Variants in CSRNP3 observed in about 807,000 individuals in gnomAD.
CSRNP3 encodes the protein cysteine/serine-rich nuclear protein 3.
CSRNP3 carries 12 observed loss-of-function variants against 48.0 expected under a neutral mutation model. The observed-to-expected ratio is 0.25, with a 90% CI of 0.16 to 0.41. CSRNP3 has a LOEUF of 0.41. CSRNP3 is among the 10% of genes least tolerant of loss of function. The probability of loss-of-function intolerance (pLI) is 1.00; values close to 1 mark genes in which losing one functional copy is unlikely to be tolerated. For synonymous variants in CSRNP3, 263 were observed against 269.7 expected, an observed-to-expected ratio of 0.98 and a Z score of 0.24; for missense variants, 580 against 724.4, an observed-to-expected ratio of 0.80 and a Z score of 2.29.
chr2:165,630,198 A>G (rs1287926997), intron 4 of CSRNP3, among the ~76,000 whole-genome samples: 3 of 152,190 alleles, frequency 2.0e-5, no homozygotes, highest in African/African-American at 7.2e-5. Flanking sequence ...TCTGCCTGAA[A>G]AAATAAATTC....
intron 3 of CSRNP3, among the ~76,000 whole-genome samples, chr2:165,519,170 A>G (rs2105233205): frequency 6.7e-6 from 1 of 148,836 alleles, no homozygotes; most frequent in East Asian, 2.3e-4. Context: ...AAGAAATATG[A>G]GATTCTAGGA....
chr2:165,614,135 T>C (rs1192786244), intron 4 of CSRNP3, among the ~76,000 whole-genome samples: 1 of 152,170 alleles, frequency 6.6e-6, no homozygotes, highest in Non-Finnish European at 1.5e-5. Flanking sequence ...TTTGTAATGT[T>C]CATTGTAAGA....
chr2:165,613,495 C>T (rs534303733), intron 4 of CSRNP3, among the ~76,000 whole-genome samples: 7 of 152,158 alleles, frequency 4.6e-5, no homozygotes, highest in Non-Finnish European at 8.8e-5. Context: ...TGAAGAATTT[C>T]CCCTGTGTTT....
At chr2:165,563,763 C>T (rs1266251748) in intron 3 of CSRNP3, among the ~76,000 whole-genome samples, 1 of 152,102 alleles carries the variant, frequency 6.6e-6, no homozygotes, top group African/African-American at 2.4e-5. Context: ...CAATTAGACA[C>T]ATGTGCCACA....
chr2:165,516,366 G>T (rs981180292), intron 2 of CSRNP3, among the ~76,000 whole-genome samples: 2 of 152,018 alleles, frequency 1.3e-5, no homozygotes, highest in Non-Finnish European at 2.9e-5. Flanking sequence ...AGAATTTTAA[G>T]ATATTTAAAA....
chr2:165,550,296 A>C (rs1692722109), intron 3 of CSRNP3, among the ~76,000 whole-genome samples: 2 of 152,232 alleles, frequency 1.3e-5, no homozygotes, highest in Admixed American at 1.3e-4. Context: ...TATTATTATA[A>C]ATAAGACTCT....
chr2:165,643,618 G>A (rs34983850), intron 4 of CSRNP3, among the ~76,000 whole-genome samples: 23,135 of 152,086 alleles, frequency 0.15, 3,096 homozygotes, highest in African/African-American at 0.36. Context: ...GGATAACTTT[G>A]AATCAGTCCC....
chr2:165,546,011 A>G (rs1685020359), intron 3 of CSRNP3, among the ~76,000 whole-genome samples: 1 of 152,134 alleles, frequency 6.6e-6, no homozygotes, highest in African/African-American at 2.4e-5. Context: ...CATAAAGTTA[A>G]TTATGTGTTA....
In CSRNP3 at chr2:165,552,493, TGA is replaced by T. The variant is rs1466784976; in HGVS notation, c.-24+34534_-24+34535del. On this transcript the variant is annotated intron_variant, in intron 3 of 6. Transcript: ENST00000651982. Reference sequence around the variant, plus strand: ...TAGGATAATAAAAGTTAAAATTTATTGAGTTCACCATGAACCAGGTATCTGAT... The same window carrying T: ...TAGGATAATAAAAGTTAAAATTTATTGTTCACCATGAACCAGGTATCTGAT... Among the ~76,000 whole-genome samples, 5 of 152,266 alleles carry T rather than the reference TGA, an allele frequency of 3.3e-5. No homozygotes were observed. In the East Asian group the frequency reaches 9.7e-4, roughly 29 times the overall value.
At chr2:165,483,161 G>GATTT (rs1684070685) in intron 1 of CSRNP3, among the ~76,000 whole-genome samples, 1 of 151,864 alleles carries the variant, frequency 6.6e-6, no homozygotes, top group African/African-American at 2.4e-5. Context: ...AGGGCATTCA[G>GATTT]GTGCCCTTTT....
intron 3 of CSRNP3, among the ~76,000 whole-genome samples, chr2:165,526,489 C>A (rs183370688): frequency 1.2e-4 from 19 of 152,154 alleles, no homozygotes; most frequent in African/African-American, 4.8e-5. Flanking sequence ...GTTCTGATGA[C>A]CTCTAAACTT....
At position 165,574,295 on chromosome 2, in the gene CSRNP3, G is replaced by A. The variant is rs568054425; in HGVS notation, c.-23-20748G>A. The A allele has an allele frequency of 1.2e-5, 15 of 1,302,502 alleles. No individual in the cohort carries two copies. In the South Asian group the frequency reaches 2.0e-4, roughly 17 times the overall value. The allele number at this position is 1,302,502 out of a possible 1,614,324, so 80.7% of individuals were successfully genotyped here. ...TCAAAGGTCACAGGGCTGGTGGAAAGCTGGATCAGTTGCCTGAAAAAAATG... is the reference window on the plus strand; with the variant it reads ...TCAAAGGTCACAGGGCTGGTGGAAAACTGGATCAGTTGCCTGAAAAAAATG... On this transcript the variant is annotated intron_variant, in intron 3 of 6. Coordinates refer to ENST00000651982, the MANE Select transcript of CSRNP3 (RefSeq NM_001172173.2).
intron 4 of CSRNP3, among the ~76,000 whole-genome samples, chr2:165,615,888 GTTTT>G (rs957235965): frequency 2.4e-4 from 14 of 59,310 alleles, no homozygotes; most frequent in Admixed American, 7.4e-4. Flanking sequence ...TGTTTGTGGG[GTTTT>G]TTTTTTTTTT....
intron 5 of CSRNP3, among the ~76,000 whole-genome samples, chr2:165,666,066 GAAA>G (rs1558967306): frequency 8.7e-5 from 5 of 57,450 alleles, no homozygotes; most frequent in Admixed American, 2.1e-4. Flanking sequence ...GAGGAAGAAA[GAAA>G]GAGAGAGAGA....
At chr2:165,635,453 C>T (rs1004739949) in intron 4 of CSRNP3, among the ~76,000 whole-genome samples, 3 of 152,162 alleles carry the variant, frequency 2.0e-5, no homozygotes, top group Admixed American at 2.0e-4. Flanking sequence ...CCCAGAGGTA[C>T]ATTTGAGACT....
At chr2:165,489,113 A>T (rs888966950) in intron 1 of CSRNP3, among the ~76,000 whole-genome samples, 19 of 150,072 alleles carry the variant, frequency 1.3e-4, no homozygotes, top group Admixed American at 9.3e-4. Context: ...GATAAAGGGG[A>T]TATCACCACT....
In CSRNP3 at chr2:165,521,173, C is replaced by CA. The variant is rs1348766008; in HGVS notation, c.-24+3223dup. Among the ~76,000 whole-genome samples, 614 of 135,600 alleles carry CA rather than the reference C, an allele frequency of 4.5e-3. 7 individuals carry two copies. The highest frequency in any genetic ancestry group is 0.012 in the African/African-American group (453 of 36,984). 89.0% of individuals were successfully genotyped at this position (135,600 alleles called of 152,430 possible). ...CTTGTGTTGTCTGTTATGGGAAAGC[C>CA]AAAAAAAAAAAGAAAAAGAAAATTA... On this transcript the variant is annotated intron_variant, in intron 3 of 6. Transcript: ENST00000651982.
In CSRNP3 at chr2:165,657,765, C is replaced by G. The variant is rs1169272089; in HGVS notation, c.153C>G (p.Ser51=). Residue 51 remains serine, a synonymous_variant, in exon 5 of 7, where the codon TCC becomes TCG. Coordinates refer to ENST00000651982, the MANE Select transcript of CSRNP3 (RefSeq NM_001172173.2). ...GATTGTTTCTTTCTCTTTCAGCTTC[C>G]TCCATTCTCAAAAGGGAGAAACGAC... is the stretch of plus-strand genomic sequence containing the variant. The part of the protein sequence containing the change: ...NPSTSSHFTP[S]SILKREKRLR... 1.9e-6 allele frequency: 3 copies of G among 1,612,774 alleles called. No homozygotes were observed.
chr2:165,485,612 T>G (rs1684101971), intron 1 of CSRNP3, among the ~76,000 whole-genome samples: 1 of 152,194 alleles, frequency 6.6e-6, no homozygotes, highest in Non-Finnish European at 1.5e-5. Context: ...GTCCCTATTG[T>G]AGCAGGTAGT....
Sources: gnomAD v4.1 joint callset for allele counts (sites outside exome capture counted in the v4.1 genomes callset) on GRCh38, gnomAD v4.1.1 for gene constraint, MANE v1.5 for transcripts, NCBI Gene and HGNC (gene_info 2026-07-23, HGNC 2026-07-21) for gene names.